SPATS2: variants seen among roughly 807,000 people sequenced by gnomAD.
The protein encoded by SPATS2 is spermatogenesis associated serine rich 2.
In SPATS2, 38 loss-of-function variants were observed where a neutral mutation model predicts 63.7. That is an observed-to-expected ratio of 0.60 (90% CI 0.46 to 0.78). The LOEUF is 0.78. SPATS2 is among the 30% of genes least tolerant of loss of function. The pLI is 0.00. For missense variants in SPATS2, 588 were observed against 666.2 expected, an observed-to-expected ratio of 0.88 and a Z score of 1.29; for synonymous variants, 207 against 232.9, an observed-to-expected ratio of 0.89 and a Z score of 1.01.
chr12:49,439,955 C>G (rs986527273), intron 2 of SPATS2, among the ~76,000 whole-genome samples: 23 of 152,210 alleles, frequency 1.5e-4, no homozygotes, highest in Non-Finnish European at 5.9e-5. Context: ...TCCTGATACC[C>G]CAAGTTAAAT....
At chr12:49,374,192 G>A (rs1304591031) in intron 2 of SPATS2, among the ~76,000 whole-genome samples, 2 of 152,050 alleles carry the variant, frequency 1.3e-5, no homozygotes, top group African/African-American at 4.8e-5. Flanking sequence ...GTGCAGTGGT[G>A]CCATCATAGT....
chr12:49,389,561 G>GT, intron 2 of SPATS2: 1 of 1,011,456 alleles, frequency 9.9e-7, no homozygotes, highest in Non-Finnish European at 1.6e-6. Flanking sequence ...TAAAACTCTT[G>GT]TTGAAAGATT....
intron 2 of SPATS2, among the ~76,000 whole-genome samples, chr12:49,384,156 G>A (rs2137204974): frequency 6.6e-6 from 1 of 152,204 alleles, no homozygotes; most frequent in Admixed American, 6.5e-5. Context: ...TCAGAGATGG[G>A]CTCTTGCTGT....
chr12:49,436,968 C>T (rs1164252528), intron 2 of SPATS2, among the ~76,000 whole-genome samples: 1 of 148,016 alleles, frequency 6.8e-6, no homozygotes, highest in Non-Finnish European at 1.5e-5. Flanking sequence ...GCTAACCCCC[C>T]CACCTCCATT....
At chr12:49,431,838 G>A (rs1043051556) in intron 2 of SPATS2, among the ~76,000 whole-genome samples, 2 of 151,976 alleles carry the variant, frequency 1.3e-5, no homozygotes, top group African/African-American at 2.4e-5. Context: ...TTTGAGACCA[G>A]CATGAGCAAC....
At chr12:49,387,435 G>A (rs2137224629) in intron 2 of SPATS2, among the ~76,000 whole-genome samples, 1 of 151,966 alleles carries the variant, frequency 6.6e-6, no homozygotes. Context: ...TTAGGAGTTT[G>A]GGACCAGCCC....
intron 3 of SPATS2, among the ~76,000 whole-genome samples, chr12:49,481,912 A>T (rs1946213029): frequency 6.6e-6 from 1 of 152,188 alleles, no homozygotes; most frequent in Admixed American, 6.5e-5. Flanking sequence ...ATATTAATAA[A>T]AAGATGAAAT....
At chr12:49,486,407 G>A in intron 4 of SPATS2, 1 of 298,102 alleles carries the variant, frequency 3.4e-6, no homozygotes, top group Non-Finnish European at 6.7e-6. Context: ...GTGTCACCAT[G>A]TTAGCCAGGA....
At chr12:49,445,507 A>C (rs1294915990) in intron 2 of SPATS2, among the ~76,000 whole-genome samples, 1 of 151,056 alleles carries the variant, frequency 6.6e-6, no homozygotes, top group Non-Finnish European at 1.5e-5. Context: ...ATATATATTT[A>C]TTTTCTTTTC....
At chr12:49,510,852 C>T (rs925808130) in intron 9 of SPATS2, among the ~76,000 whole-genome samples, 6 of 152,166 alleles carry the variant, frequency 3.9e-5, no homozygotes, top group African/African-American at 7.2e-5. Context: ...ATGATAGACA[C>T]AATTTGTGTT....
intron 2 of SPATS2, among the ~76,000 whole-genome samples, chr12:49,398,152 A>G (rs931168789): frequency 6.0e-5 from 9 of 150,884 alleles, no homozygotes; most frequent in South Asian, 4.2e-4. Flanking sequence ...AAAAAAAAAA[A>G]AAAAAAAAGA....
At chr12:49,474,666 A>G (rs1946090386) in intron 3 of SPATS2, among the ~76,000 whole-genome samples, 1 of 152,230 alleles carries the variant, frequency 6.6e-6, no homozygotes, top group South Asian at 2.1e-4. Context: ...GATTCTTACT[A>G]GCTATTCTGT....
chr12:49,428,286 C>A (rs1045078117), intron 2 of SPATS2, among the ~76,000 whole-genome samples: 19 of 150,192 alleles, frequency 1.3e-4, no homozygotes, highest in Middle Eastern at 3.4e-3. Context: ...AAAAAAAAAA[C>A]AAAAATTCAG....
rs550008170 is a variant in SPATS2 at position 49,384,693 on chromosome 12, C to G, written c.-244+13403C>G. Among the ~76,000 whole-genome samples, 5 of 152,252 alleles carry G rather than the reference C, an allele frequency of 3.3e-5. No individual in the cohort carries two copies. The South Asian group carries it at 1.0e-3, about 32-fold the overall frequency. ...GTATGTTTCAAATACAATCTAGTGT[C>G]TTTTTCTCACTAGATTATAAGCTCC... On this transcript the variant is annotated intron_variant, in intron 2 of 13. Coordinates refer to ENST00000552918, the MANE Select transcript of SPATS2 (RefSeq NM_023071.4).
chr12:49,448,161 C>T (rs1428535185), intron 2 of SPATS2, among the ~76,000 whole-genome samples: 6 of 144,176 alleles, frequency 4.2e-5, no homozygotes, highest in African/African-American at 7.7e-5. Context: ...TTTTTTAGAC[C>T]GAGTCTCACT....
chr12:49,498,175 CA>C (rs1946501446), intron 8 of SPATS2, among the ~76,000 whole-genome samples: 1 of 124,150 alleles, frequency 8.1e-6, no homozygotes, highest in Admixed American at 7.6e-5. Context: ...TATATGCGCA[CA>C]AGGCTTGAAA....
chr12:49,389,661 A>G, intron 2 of SPATS2: 2 of 1,389,578 alleles, frequency 1.4e-6, no homozygotes. Context: ...TATCAGAAAG[A>G]AATTCAAGAG....
At chr12:49,451,918 T>A (rs966440779) in intron 2 of SPATS2, among the ~76,000 whole-genome samples, 12 of 152,258 alleles carry the variant, frequency 7.9e-5, no homozygotes, top group Non-Finnish European at 2.9e-5. Flanking sequence ...TTTAGCACTT[T>A]GAATGTCATT....
chr12:49,486,169 T>A (rs1274055696), intron 4 of SPATS2: 1 of 448,124 alleles, frequency 2.2e-6, no homozygotes, highest in African/African-American at 2.0e-5. Flanking sequence ...TCGTAGAGTC[T>A]GTAAGTTTGG....
Sources: gnomAD v4.1 joint callset for allele counts (sites outside exome capture counted in the v4.1 genomes callset) on GRCh38, gnomAD v4.1.1 for gene constraint, MANE v1.5 for transcripts, NCBI Gene and HGNC (gene_info 2026-07-23, HGNC 2026-07-21) for gene names.